Variants in TMEM191C observed in about 807,000 individuals in gnomAD.
TMEM191C encodes KB-1323B2.6.
Under a neutral mutation model 37.1 loss-of-function variants are expected in TMEM191C, and 26 were observed. That is an observed-to-expected ratio of 0.70 (90% CI 0.51 to 0.97). The LOEUF is 0.97. Ranked by LOEUF, TMEM191C falls within the 50% of genes least tolerant of loss-of-function variation. The pLI is 0.00. For missense variants in TMEM191C, 240 were observed against 294.7 expected, an observed-to-expected ratio of 0.81 and a Z score of 1.36; for synonymous variants, 115 against 143.7, an observed-to-expected ratio of 0.80 and a Z score of 1.43.
At position 21,468,210 on chromosome 22, in the gene TMEM191C, C is replaced by T; in HGVS notation, c.330+8C>T. 6.5e-7 allele frequency: 1 copy of T among 1,528,208 alleles called. No homozygotes were observed. The highest frequency in any genetic ancestry group is 1.4e-5 in the African/African-American group (1 of 71,480). 94.7% of individuals were successfully genotyped at this position (1,528,208 alleles called of 1,614,324 possible). On this transcript the variant is annotated splice_region_variant and intron_variant, in intron 3 of 9. Transcript: ENST00000536718. Reference sequence around the variant, plus strand: ...GAGGAGCTGTCGAGTCAGGTACGTGCAGGAGATGGGAGGGCCTGTCTCTTG... The same window carrying T: ...GAGGAGCTGTCGAGTCAGGTACGTGTAGGAGATGGGAGGGCCTGTCTCTTG...
Position 21,468,581 on chromosome 22 carries a change from C to T in TMEM191C, c.408+150C>T. Reference sequence around the variant, plus strand: ...GGAGCACAATCGCATGGGGGCGGGGCTCTGAGGGCTAGAATAGGGGCGGAG... The same window carrying T: ...GGAGCACAATCGCATGGGGGCGGGGTTCTGAGGGCTAGAATAGGGGCGGAG... On this transcript the variant is annotated intron_variant, in intron 4 of 9. Transcript: ENST00000536718. 7 of 976,176 alleles carry T rather than the reference C, an allele frequency of 7.2e-6. No homozygotes were observed. The South Asian group carries it at 9.2e-5, about 13-fold the overall frequency. The allele number at this position is 976,176 out of a possible 1,614,324, so 60.5% of individuals were successfully genotyped here. A position where few individuals can be genotyped will look rare whatever the true frequency, so the allele number is the denominator to read the frequency against.
Position 21,468,008 on chromosome 22 carries a change from G to C in TMEM191C, c.270G>C (p.Lys90Asn), listed in dbSNP as rs1288676406. 5 of 530,652 alleles carry C rather than the reference G, an allele frequency of 9.4e-6. No homozygotes were observed. The East Asian group carries it at 1.4e-4, about 15-fold the overall frequency. The allele number at this position is 530,652 out of a possible 1,614,324, so 32.9% of individuals were successfully genotyped here. ...GACTGGAGGAGGCGGAGCGCCACAA[G>C]GAGTACTTGGTGAGGAAGAGTCCTG... ...RRRLEEAERH[K>N]EYLEQHSRQL... The change falls in exon 2 of 10, where the codon AAG becomes AAC. Residue 90 changes from lysine (K) to asparagine (N), a missense_variant. By Grantham distance (94) the Lys-to-Asn change is moderately conservative (BLOSUM62 0). This residue lies in a region of TMEM191C where 130 missense variants were observed against 105.7 expected (regional missense o/e 1.23). Coordinates refer to ENST00000536718, the MANE Select transcript of TMEM191C (RefSeq NM_001388354.1).
chr22:21,469,848 G>A lies in TMEM191C; in HGVS notation c.*27G>A. 6.5e-7 allele frequency: 1 copy of A among 1,528,470 alleles called. No individual in the cohort carries two copies. Among genetic ancestry groups the A allele is most frequent in the African/African-American group, 1.4e-5 (1 of 71,814 alleles). The allele number at this position is 1,528,470 out of a possible 1,614,324, so 94.7% of individuals were successfully genotyped here. A position where few individuals can be genotyped will look rare whatever the true frequency, so the allele number is the denominator to read the frequency against. ...TGCAGCGCCCCGCGCCTGGCTCCAG[G>A]TGGACTCCAGGGCACCTGGCTTTAT... On this transcript the variant is annotated 3_prime_UTR_variant, in exon 10 of 10. Transcript: ENST00000536718.
intron 4 of TMEM191C, 46 bp downstream of exon 4, chr22:21,468,477 G>C: frequency 8.0e-7 from 1 of 1,257,160 alleles, no homozygotes; most frequent in Middle Eastern, 2.7e-4. Flanking sequence ...CGGAGCAGCA[G>C]CATGAGCTGG....
intron 3 of TMEM191C, 25 bp from the exon 4 acceptor site, chr22:21,468,329 C>T (rs1329516178): frequency 6.5e-7 from 1 of 1,535,516 alleles, no homozygotes; most frequent in Admixed American, 2.0e-5. Context: ...CCGGTAAACC[C>T]CGCCCTTACA....
Position 21,467,581 on chromosome 22 carries a change from A to G in TMEM191C, c.122A>G (p.Gln41Arg). The stretch of plus-strand genomic sequence containing the variant: ...GAGGCCGAGAGCGAGAGCCTCAACC[A>G]GCGCCTGCAGGACCTGAGCGAGCGG... ...GLEAESESLN[Q>R]RLQDLSERER... The change falls in exon 1 of 10, where the codon CAG becomes CGG. Residue 41 changes from glutamine (Q) to arginine (R), a missense_variant. Physicochemically the swap from Gln to Arg is conservative, Grantham distance 43. Around this residue, in one of 3 missense-constraint regions of TMEM191C, gnomAD observed 130 missense variants for 105.7 expected, o/e 1.23. Transcript: ENST00000536718. 3 of 1,530,098 alleles carry G rather than the reference A, an allele frequency of 2.0e-6. No individual in the cohort carries two copies. The highest frequency in any genetic ancestry group is 2.6e-6 in the Non-Finnish European group (3 of 1,145,176). The allele number at this position is 1,530,098 out of a possible 1,614,324, so 94.8% of individuals were successfully genotyped here. A position where few individuals can be genotyped will look rare whatever the true frequency, so the allele number is the denominator to read the frequency against.
rs764784261 is a variant in TMEM191C at position 21,467,548 on chromosome 22, G to A, written c.89G>A (p.Arg30His). 1.4e-6 allele frequency: 2 copies of A among 1,470,822 alleles called. No homozygotes were observed. Among genetic ancestry groups the A allele is most frequent in the Admixed American group, 5.1e-5 (2 of 39,490 alleles). The allele number at this position is 1,470,822 out of a possible 1,614,324, so 91.1% of individuals were successfully genotyped here. ...AAGCAGGAGCTAGAGAAGCTGATGC[G>A]CGGGCTCGAGGCCGAGAGCGAGAGC... ...QRKQELEKLM[R>H]GLEAESESLN... The change falls in exon 1 of 10, where the codon CGC becomes CAC. Residue 30 changes from arginine to histidine, a missense_variant. By Grantham distance (29) the Arg-to-His change is conservative. Around this residue, in one of 3 missense-constraint regions of TMEM191C, gnomAD observed 130 missense variants for 105.7 expected, o/e 1.23. Coordinates refer to ENST00000536718, the MANE Select transcript of TMEM191C (RefSeq NM_001388354.1).
At chr22:21,469,451 CG>C in intron 8 of TMEM191C, 42 bp from the exon 9 acceptor site, 2 of 1,336,660 alleles carry the variant, frequency 1.5e-6, no homozygotes, top group Non-Finnish European at 1.9e-6. Context: ...GGGCCGGCGC[CG>C]CGGGCGCGGA....
In TMEM191C at chr22:21,467,917, C is replaced by A. The variant is rs773168155; in HGVS notation, c.179C>A (p.Ala60Glu). The A allele has an allele frequency of 1.0e-4, 63 of 624,606 alleles. No homozygotes were observed. Among genetic ancestry groups the A allele is most frequent in the East Asian group, 8.5e-4 (30 of 35,498 alleles). The allele number at this position is 624,606 out of a possible 1,614,324, so 38.7% of individuals were successfully genotyped here. A position where few individuals can be genotyped will look rare whatever the true frequency, so the allele number is the denominator to read the frequency against. Reference protein sequence around the residue: ...ERSLLRRRSQAAQPLQGEARE... With the variant: ...ERSLLRRRSQEAQPLQGEARE... The stretch of plus-strand genomic sequence containing the variant: ...AGCCTGCTGCGGAGGCGAAGCCAGG[C>A]AGCGCAGCCTCTGCAAGGGGAGGCG... Residue 60 changes from alanine (A) to glutamate (E), a missense_variant, in exon 2 of 10, where the codon GCA (alanine) becomes GAA (glutamate). By Grantham distance (107) the Ala-to-Glu change is moderately radical (BLOSUM62 -1). Coordinates refer to ENST00000536718, the MANE Select transcript of TMEM191C (RefSeq NM_001388354.1).
rs1180413526 is a variant in TMEM191C at position 21,468,148 on chromosome 22, G to A, written c.280-4G>A. On this transcript the variant is annotated splice_polypyrimidine_tract_variant and splice_region_variant and intron_variant, in intron 2 of 9. Coordinates refer to ENST00000536718, the MANE Select transcript of TMEM191C (RefSeq NM_001388354.1). The stretch of plus-strand genomic sequence containing the variant: ...TCGGCACCGCCCCAGGACCCCGTCC[G>A]CAGGAGCAGCACAGCAGGCAGCTGC... 6.6e-6 allele frequency: 10 copies of A among 1,507,834 alleles called. No homozygotes were observed. Among genetic ancestry groups the A allele is most frequent in the African/African-American group, 1.5e-5 (1 of 65,916 alleles). 93.4% of individuals were successfully genotyped at this position (1,507,834 alleles called of 1,614,324 possible).
chr22:21,469,765 C>A lies in TMEM191C; in HGVS notation c.853C>A (p.Arg285Ser), dbSNP rs1924677743. The A allele has an allele frequency of 2.6e-6, 4 of 1,531,614 alleles. No homozygotes were observed. Among genetic ancestry groups the A allele is most frequent in the Non-Finnish European group, 3.5e-6 (4 of 1,146,118 alleles). 94.9% of individuals were successfully genotyped at this position (1,531,614 alleles called of 1,614,324 possible). A position where few individuals can be genotyped will look rare whatever the true frequency, so the allele number is the denominator to read the frequency against. ...CTCGGAGACGACGCTGCGCCGCCTG[C>A]GCTACACGCTGTCCCCGCTGCTGGA... Reference protein sequence around the residue: ...LTSETTLRRLRYTLSPLLELR... With the variant: ...LTSETTLRRLSYTLSPLLELR... Residue 285 changes from arginine (R) to serine (S), a missense_variant, in exon 10 of 10, where the codon CGC (arginine) becomes AGC (serine). This residue lies in a region of TMEM191C where 76 missense variants were observed against 100.0 expected (regional missense o/e 0.76). Transcript: ENST00000536718.
In TMEM191C at chr22:21,469,769, A is replaced by G; in HGVS notation, c.857A>G (p.Tyr286Cys). 6.5e-7 allele frequency: 1 copy of G among 1,531,656 alleles called. No homozygotes were observed. The highest frequency in any genetic ancestry group is 8.7e-7 in the Non-Finnish European group (1 of 1,146,142). 94.9% of individuals were successfully genotyped at this position (1,531,656 alleles called of 1,614,324 possible). ...TSETTLRRLR[Y>C]TLSPLLELRA... The stretch of plus-strand genomic sequence containing the variant: ...GAGACGACGCTGCGCCGCCTGCGCT[A>G]CACGCTGTCCCCGCTGCTGGAGCTG... The change falls in exon 10 of 10, where the codon TAC becomes TGC. Residue 286 changes from tyrosine (Y) to cysteine (C), a missense_variant. Around this residue, in one of 3 missense-constraint regions of TMEM191C, gnomAD observed 76 missense variants for 100.0 expected, o/e 0.76. Transcript: ENST00000536718.
chr22:21,467,846 G>A, intron 1 of TMEM191C, 48 bp from the exon 2 acceptor site: 1 of 529,932 alleles, frequency 1.9e-6, no homozygotes. Context: ...GCGGGATCCT[G>A]AGCGACCCAG....
chr22:21,468,584 T>C (rs1271434825), intron 4 of TMEM191C, among the ~76,000 whole-genome samples, 153 bp downstream of exon 4: 1 of 93,860 alleles, frequency 1.1e-5, no homozygotes, highest in African/African-American at 3.3e-5. Context: ...GGCGGGGCTC[T>C]GAGGGCTAGA....
Position 21,469,849 on chromosome 22 carries a change from T to C in TMEM191C, c.*28T>C, listed in dbSNP as rs765460892. On this transcript the variant is annotated 3_prime_UTR_variant, in exon 10 of 10. Coordinates refer to ENST00000536718, the MANE Select transcript of TMEM191C (RefSeq NM_001388354.1). Reference sequence around the variant, plus strand: ...GCAGCGCCCCGCGCCTGGCTCCAGGTGGACTCCAGGGCACCTGGCTTTATT... The same window carrying C: ...GCAGCGCCCCGCGCCTGGCTCCAGGCGGACTCCAGGGCACCTGGCTTTATT... 17 of 1,528,196 alleles carry C rather than the reference T, an allele frequency of 1.1e-5. No individual in the cohort carries two copies. In the South Asian group the frequency reaches 1.2e-4, roughly 11 times the overall value. The allele number at this position is 1,528,196 out of a possible 1,614,324, so 94.7% of individuals were successfully genotyped here.
At chr22:21,468,327 C>T (rs750881851) in intron 3 of TMEM191C, 27 bp from the exon 4 acceptor site, 6 of 1,535,512 alleles carry the variant, frequency 3.9e-6, no homozygotes, top group Non-Finnish European at 5.2e-6. Flanking sequence ...GCCCGGTAAA[C>T]CCCGCCCTTA....
chr22:21,469,545 C>G lies in TMEM191C; in HGVS notation c.704+11C>G. The G allele has an allele frequency of 2.9e-6, 4 of 1,383,934 alleles. No homozygotes were observed. Among genetic ancestry groups the G allele is most frequent in the Non-Finnish European group, 3.7e-6 (4 of 1,080,464 alleles). The allele number at this position is 1,383,934 out of a possible 1,614,324, so 85.7% of individuals were successfully genotyped here. On this transcript the variant is annotated intron_variant, in intron 9 of 9. Coordinates refer to ENST00000536718, the MANE Select transcript of TMEM191C (RefSeq NM_001388354.1). The stretch of plus-strand genomic sequence containing the variant: ...CGCGCTGGCCATCAGGTGAGCCGGG[C>G]GGTGGGCGCGGCCGCGGTCCCCCAG...
rs1601353201 is a variant in TMEM191C at position 21,469,179 on chromosome 22, A to G, written c.575A>G (p.Gln192Arg). 2 of 788,840 alleles carry G rather than the reference A, an allele frequency of 2.5e-6. No homozygotes were observed. Among genetic ancestry groups the G allele is most frequent in the Non-Finnish European group, 3.9e-6 (2 of 512,712 alleles). 48.9% of individuals were successfully genotyped at this position (788,840 alleles called of 1,614,324 possible). A position where few individuals can be genotyped will look rare whatever the true frequency, so the allele number is the denominator to read the frequency against. The change falls in exon 7 of 10, where the codon CAG (glutamine) becomes CGG (arginine). Residue 192 changes from glutamine to arginine, a missense_variant. Physicochemically the swap from Gln to Arg is conservative, Grantham distance 43. Around this residue, in one of 3 missense-constraint regions of TMEM191C, gnomAD observed 34 missense variants for 89.0 expected, o/e 0.38. Coordinates refer to ENST00000536718, the MANE Select transcript of TMEM191C (RefSeq NM_001388354.1). ...MEAAEELDAW[Q>R]SGRELCDGQL... ...GCTGCGGAGGAGCTGGACGCCTGGC[A>G]GAGTGGCCGGGAACTGTAAGGGAGT...
At chr22:21,469,375 T>G (rs1347861904) in intron 8 of TMEM191C, 29 bp downstream of exon 8, 9 of 1,280,420 alleles carry the variant, frequency 7.0e-6, no homozygotes, top group Non-Finnish European at 8.9e-6. Flanking sequence ...CCGGGCGGGG[T>G]GGGCTGGAGC....
Sources: allele counts gnomAD v4.1 joint callset (sites outside exome capture counted in the v4.1 genomes callset), GRCh38; gene constraint gnomAD v4.1.1; regional missense constraint gnomAD v4.1.1; transcripts MANE v1.5; gene names NCBI Gene and HGNC (gene_info 2026-07-23, HGNC 2026-07-21).